Variants in FRA10AC1 observed in about 807,000 individuals in gnomAD.
FRA10AC1 encodes the protein FRA10A associated CGG repeat 1, also known as protein FRA10AC1.
Under a neutral mutation model 56.5 loss-of-function variants are expected in FRA10AC1, and 43 were observed. That is an observed-to-expected ratio of 0.76 (90% CI 0.60 to 0.98). FRA10AC1 has a LOEUF of 0.98. Among genes scored for constraint, FRA10AC1 ranks in the 50% least tolerant of loss-of-function variants. The pLI, the probability that FRA10AC1 is intolerant of heterozygous loss-of-function variation, is 0.00. For missense variants in FRA10AC1, 346 were observed against 351.8 expected (o/e 0.98, Z 0.13); for synonymous variants, 112 against 110.5 (o/e 1.01, Z -0.09).
rs1554897681 is a variant in FRA10AC1, at chr10:93,702,519, ACCACCG to A, written c.-151_-146del. Reference sequence around the variant, plus strand: ...CCTGCCGCACAGCCTCGCCACAACCACCACCGCCGCCGCCGCCGCCGCCGCCGCCCG... The same window carrying A: ...CCTGCCGCACAGCCTCGCCACAACCACCGCCGCCGCCGCCGCCGCCGCCCG... On this transcript the variant is annotated 5_prime_UTR_variant, in exon 1 of 14. Transcript: ENST00000359204. 3.1e-5 allele frequency: 5 copies of A among 159,558 alleles called. No individual in the cohort carries two copies. Among genetic ancestry groups the A allele is most frequent in the Non-Finnish European group, 6.0e-5 (5 of 83,788 alleles). The allele number at this position is 159,558 out of a possible 1,614,324, so 9.9% of individuals were successfully genotyped here.
chr10:93,673,129 C>A, intron 12 of FRA10AC1: 1 of 318,330 alleles, frequency 3.1e-6, no homozygotes, highest in Non-Finnish European at 6.1e-6. Context: ...ACTCGCTACT[C>A]CAGAGGCAGC....
At chr10:93,690,449 T>C (rs2059106726) in intron 7 of FRA10AC1, among the ~76,000 whole-genome samples, 2 of 152,180 alleles carry the variant, frequency 1.3e-5, no homozygotes, top group South Asian at 4.1e-4. Flanking sequence ...ACTCAAATAT[T>C]TAATTTTTAT....
intron 11 of FRA10AC1, among the ~76,000 whole-genome samples, chr10:93,678,153 G>A (rs1390021644): frequency 6.6e-6 from 1 of 152,188 alleles, no homozygotes; most frequent in Non-Finnish European, 1.5e-5. Flanking sequence ...AGGGTGTCAG[G>A]AAGGGCCTTT....
At chr10:93,671,367 G>A (rs1247398759) in intron 12 of FRA10AC1, 1 of 152,600 alleles carries the variant, frequency 6.6e-6, no homozygotes, top group East Asian at 1.9e-4. Context: ...CTGTTTCAGG[G>A]AAGAAACTGG....
Position 93,669,831 on chromosome 10 carries a change from G to T in FRA10AC1, c.943C>A (p.Leu315Ile). ...EFDEYFQDLF[L>I] ...GGAGGCTTCTCTCTCTCGTCTCATA[G>T]AAACAAATCCTGAAAATACTCATCA... Residue 315 changes from leucine (L) to isoleucine (I), a missense_variant, in exon 14 of 14, where the codon CTA (leucine) becomes ATA (isoleucine). Coordinates refer to ENST00000359204, the MANE Select transcript of FRA10AC1 (RefSeq NM_145246.5). 1 of 1,573,972 alleles carries T rather than the reference G, an allele frequency of 6.4e-7. No individual in the cohort carries two copies. Among genetic ancestry groups the T allele is most frequent in the Non-Finnish European group, 8.7e-7 (1 of 1,153,662 alleles).
At chr10:93,680,869 G>T (rs570189879) in intron 11 of FRA10AC1, among the ~76,000 whole-genome samples, 9 of 152,124 alleles carry the variant, frequency 5.9e-5, no homozygotes, top group Admixed American at 5.2e-4. Flanking sequence ...GAGTCTTAGC[G>T]AGCTTAAGGA....
chr10:93,691,924 G>A, intron 7 of FRA10AC1, 85 bp downstream of exon 7: 1 of 1,365,790 alleles, frequency 7.3e-7, no homozygotes, highest in Non-Finnish European at 9.8e-7. Context: ...ATCTTTAAAA[G>A]AATAATGTGG....
chr10:93,698,306 C>T lies in FRA10AC1; in HGVS notation c.168G>A (p.Leu56=). 1.2e-6 allele frequency: 2 copies of T among 1,606,744 alleles called. No individual in the cohort carries two copies. The highest frequency in any genetic ancestry group is 1.7e-6 in the Non-Finnish European group (2 of 1,174,456). ...TTGACACTGAAATACCATACCTATCCAGCAATTCTGCTGCAACTTGTTTAT... is the reference window on the plus strand; with the variant it reads ...TTGACACTGAAATACCATACCTATCTAGCAATTCTGCTGCAACTTGTTTAT... ...VAHKQVAAEL[L]DREEARNRRF... The change falls in exon 3 of 14, where the codon CTG becomes CTA. Residue 56 remains leucine, a synonymous_variant. Coordinates refer to ENST00000359204, the MANE Select transcript of FRA10AC1 (RefSeq NM_145246.5).
Position 93,698,360 on chromosome 10 carries a change from A to C in FRA10AC1, c.114T>G (p.Phe38Leu), listed in dbSNP as rs1262093839. 1.9e-6 allele frequency: 3 copies of C among 1,611,798 alleles called. No individual in the cohort carries two copies. Among genetic ancestry groups the C allele is most frequent in the Non-Finnish European group, 2.5e-6 (3 of 1,178,786 alleles). The change falls in exon 3 of 14, where the codon TTT becomes TTG. Residue 38 changes from phenylalanine (F) to leucine (L), a missense_variant. Phe to Leu is a conservative substitution (Grantham distance 22, BLOSUM62 0). Coordinates refer to ENST00000359204, the MANE Select transcript of FRA10AC1 (RefSeq NM_145246.5). The stretch of plus-strand genomic sequence containing the variant: ...CCACCTTTCCATGTTTTTCTTTCTG[A>C]AATGGTTTTTGGAGCAGTAAGTCAT... ...VEDDLLLQKPFQKEKHGKVAH... is the reference protein window; with the variant it reads ...VEDDLLLQKPLQKEKHGKVAH...
intron 4 of FRA10AC1, among the ~76,000 whole-genome samples, chr10:93,695,999 T>A (rs1240655416): frequency 6.6e-6 from 1 of 152,222 alleles, no homozygotes; most frequent in Admixed American, 6.5e-5. Flanking sequence ...TGTATTCCAA[T>A]ATAATTTTAT....
In FRA10AC1 at chr10:93,692,720, G is replaced by A. The variant is rs376929060; in HGVS notation, c.306C>T (p.Asp102=). ...KEDFKRLGEN[D]KTDLDVIREN... ...CTCGTATAACATCCAAGTCTGTCTT[G>A]TCATTTTCCCTGGAAAACAGAACTT... Residue 102 remains aspartate (D), a synonymous_variant, in exon 6 of 14, where the codon GAC becomes GAT. Transcript: ENST00000359204. 2.5e-6 allele frequency: 4 copies of A among 1,578,102 alleles called. No individual in the cohort carries two copies. The Admixed American group carries it at 7.6e-5, about 30-fold the overall frequency.
intron 4 of FRA10AC1, among the ~76,000 whole-genome samples, chr10:93,695,709 G>A (rs1011775597): frequency 6.6e-6 from 1 of 150,890 alleles, no homozygotes; most frequent in South Asian, 2.1e-4. Context: ...TTTCCATATT[G>A]TAACAAACCA....
At position 93,669,815 on chromosome 10, in the gene FRA10AC1, T is replaced by C. The variant is rs781555095; in HGVS notation, c.*11A>G. The C allele has an allele frequency of 7.7e-6, 12 of 1,551,320 alleles. No homozygotes were observed. Among genetic ancestry groups the C allele is most frequent in the Admixed American group, 5.6e-5 (3 of 53,898 alleles). On this transcript the variant is annotated 3_prime_UTR_variant, in exon 14 of 14. Coordinates refer to ENST00000359204, the MANE Select transcript of FRA10AC1 (RefSeq NM_145246.5). ...TTTCACATTAAGGAGCGGAGGCTTC[T>C]CTCTCTCGTCTCATAGAAACAAATC...
intron 8 of FRA10AC1, among the ~76,000 whole-genome samples, chr10:93,685,880 C>T (rs2059018521): frequency 6.6e-6 from 1 of 151,830 alleles, no homozygotes; most frequent in Admixed American, 6.6e-5. Flanking sequence ...CTTGAAAACA[C>T]ATTTAAAAAT....
intron 11 of FRA10AC1, among the ~76,000 whole-genome samples, chr10:93,677,481 T>C (rs1463399397): frequency 6.6e-6 from 1 of 152,152 alleles, no homozygotes; most frequent in East Asian, 1.9e-4. Context: ...ATGAGGAACA[T>C]GATACCTGCT....
chr10:93,681,565 A>G lies in FRA10AC1; in HGVS notation c.702T>C (p.Asp234=), dbSNP rs963045288. The G allele has an allele frequency of 4.5e-6, 7 of 1,557,322 alleles. No homozygotes were observed. The highest frequency in any genetic ancestry group is 2.1e-5 in the Admixed American group (1 of 48,160). The change falls in exon 11 of 14, where the codon GAT becomes GAC. Residue 234 remains aspartate, a synonymous_variant. Transcript: ENST00000359204. ...RKEIKSKKRK[D]KTKKDCEESS... The stretch of plus-strand genomic sequence containing the variant: ...ACTCTTCACAGTCTTTTTTGGTTTT[A>G]TCTTTTCTTTTTTTTGACTTGATTT...
At chr10:93,693,581 CATAT>C (rs1236766938) in intron 5 of FRA10AC1, among the ~76,000 whole-genome samples, 2 of 124,112 alleles carry the variant, frequency 1.6e-5, no homozygotes, top group Non-Finnish European at 1.7e-5. Flanking sequence ...ATATACACAC[CATAT>C]ATATATACAC....
At chr10:93,672,216 C>T in intron 12 of FRA10AC1, 4 of 286,888 alleles carry the variant, frequency 1.4e-5, no homozygotes, top group South Asian at 1.3e-4. Flanking sequence ...GACTCTGATC[C>T]CTGAATCAAC....
intron 9 of FRA10AC1, 69 bp downstream of exon 9, chr10:93,685,177 A>G (rs2059003517): frequency 1.4e-6 from 1 of 737,912 alleles, no homozygotes; most frequent in Non-Finnish European, 2.3e-6. Flanking sequence ...TGAATTTTAA[A>G]GTCTATATAT....
Sources: gnomAD v4.1 joint callset for allele counts (sites outside exome capture counted in the v4.1 genomes callset) on GRCh38, gnomAD v4.1.1 for gene constraint, MANE v1.5 for transcripts, NCBI Gene and HGNC (gene_info 2026-07-23, HGNC 2026-07-21) for gene names.